PARVA: variants seen among roughly 807,000 people sequenced by gnomAD.
PARVA encodes the protein parvin alpha, also known as alpha-parvin.
In PARVA, 25 loss-of-function variants were observed where a neutral mutation model predicts 52.6. That is an observed-to-expected ratio of 0.48 (90% CI 0.35 to 0.66). PARVA has a LOEUF of 0.66. Ranked by LOEUF, PARVA falls within the 30% of genes least tolerant of loss-of-function variation. The probability of loss-of-function intolerance (pLI) is 0.01; values close to 1 mark genes in which losing one functional copy is unlikely to be tolerated. For synonymous variants in PARVA, 185 were observed against 179.1 expected, an observed-to-expected ratio of 1.03 and a Z score of -0.26; for missense variants, 373 against 450.9, an observed-to-expected ratio of 0.83 and a Z score of 1.56.
chr11:12,463,615 C>T (rs112679022), intron 1 of PARVA, among the ~76,000 whole-genome samples: 1 of 152,274 alleles, frequency 6.6e-6, no homozygotes, highest in African/African-American at 2.4e-5. Flanking sequence ...CACATTTCTC[C>T]ACTGTAAAGC....
In PARVA at chr11:12,511,465, T is replaced by G. The variant is rs369552091; in HGVS notation, c.717-49T>G. On this transcript the variant is annotated intron_variant, in intron 7 of 12. Transcript: ENST00000334956. ...GTCCTTTCAGAGGACTGGCCTCTTA[T>G]AAGGGACAAGAGAAGAGTCACACTA... is the stretch of plus-strand genomic sequence containing the variant. 7 of 1,599,272 alleles carry G rather than the reference T, an allele frequency of 4.4e-6. No individual in the cohort carries two copies. The South Asian group carries it at 7.9e-5, about 18-fold the overall frequency.
chr11:12,477,193 C>G (rs1162886681), intron 3 of PARVA: 1 of 151,974 alleles, frequency 6.6e-6, no homozygotes, highest in Non-Finnish European at 1.5e-5. Flanking sequence ...CCTCCCGGTT[C>G]AAGCAATTCT....
intron 1 of PARVA, among the ~76,000 whole-genome samples, chr11:12,429,938 A>G (rs915765201): frequency 6.6e-6 from 1 of 152,118 alleles, no homozygotes; most frequent in African/African-American, 2.4e-5. Flanking sequence ...ACAGTTTTAA[A>G]TACTGGAAGA....
chr11:12,440,774 ATAGGGCC>A (rs906280311), intron 1 of PARVA, among the ~76,000 whole-genome samples: 136 of 152,334 alleles, frequency 8.9e-4, no homozygotes, highest in African/African-American at 3.1e-3. Context: ...GCTCCTTGCC[ATAGGGCC>A]CCTCCATGTC....
chr11:12,410,500 G>T (rs1291370728), intron 1 of PARVA, among the ~76,000 whole-genome samples: 1 of 152,230 alleles, frequency 6.6e-6, no homozygotes, highest in Non-Finnish European at 1.5e-5. Flanking sequence ...CCTGTGGTTT[G>T]ATTGGTTGGG....
At chr11:12,485,058 C>T (rs1429805706) in intron 4 of PARVA, among the ~76,000 whole-genome samples, 1 of 152,142 alleles carries the variant, frequency 6.6e-6, no homozygotes, top group African/African-American at 2.4e-5. Context: ...AAATGATTCA[C>T]CCACCTTGGC....
intron 1 of PARVA, among the ~76,000 whole-genome samples, chr11:12,447,098 T>C (rs778252759): frequency 2.6e-5 from 4 of 152,186 alleles, no homozygotes; most frequent in Non-Finnish European, 5.9e-5. Context: ...TATGTGTTAC[T>C]CAAACCCTGT....
intron 7 of PARVA, among the ~76,000 whole-genome samples, chr11:12,508,949 C>T (rs1246312752): frequency 6.6e-6 from 1 of 152,154 alleles, no homozygotes; most frequent in East Asian, 1.9e-4. Flanking sequence ...ATGCCATAAA[C>T]ACTGGGTTGA....
intron 7 of PARVA, among the ~76,000 whole-genome samples, chr11:12,510,444 A>G (rs997979774): frequency 1.5e-3 from 236 of 152,366 alleles, no homozygotes; most frequent in African/African-American, 5.5e-3. Flanking sequence ...TTAAGTATTT[A>G]CCATAATTAT....
intron 1 of PARVA, among the ~76,000 whole-genome samples, chr11:12,381,867 T>A (rs1939492154): frequency 6.6e-6 from 1 of 152,112 alleles, no homozygotes; most frequent in South Asian, 2.1e-4. Context: ...CAACTTTTCT[T>A]ATAATGTCAT....
At chr11:12,401,072 A>T (rs1276424558) in intron 1 of PARVA, among the ~76,000 whole-genome samples, 3 of 152,188 alleles carry the variant, frequency 2.0e-5, no homozygotes, top group Non-Finnish European at 2.9e-5. Flanking sequence ...GCACACTTTC[A>T]AAGTGTGTGC....
rs1941750968 is a variant in PARVA at position 12,529,950 on chromosome 11, A to G, written c.*2025A>G. The G allele has an allele frequency of 6.6e-6, 1 of 152,236 alleles. No individual in the cohort carries two copies. Among genetic ancestry groups the G allele is most frequent in the Non-Finnish European group, 1.5e-5 (1 of 68,040 alleles). The allele number at this position is 152,236 out of a possible 1,614,324, so 9.4% of individuals were successfully genotyped here. On this transcript the variant is annotated 3_prime_UTR_variant, in exon 13 of 13. Transcript: ENST00000334956. ...TAAAAAAATTCCTGGTAGCAAATCA[A>G]GATAAATAATTGCTTCATTTTCTTG...
intron 4 of PARVA, among the ~76,000 whole-genome samples, chr11:12,495,217 A>G (rs1442918233): frequency 6.6e-6 from 1 of 152,224 alleles, no homozygotes; most frequent in East Asian, 1.9e-4. Flanking sequence ...ATTTCAGGCC[A>G]TCACAGGTAA....
chr11:12,513,922 G>A, intron 9 of PARVA, 75 bp from the exon 10 acceptor site: 3 of 1,361,040 alleles, frequency 2.2e-6, no homozygotes, highest in South Asian at 2.4e-5. Context: ...TGCCCTCACG[G>A]GAGTCACGGA....
chr11:12,404,819 C>T (rs1939878868), intron 1 of PARVA, among the ~76,000 whole-genome samples: 1 of 152,210 alleles, frequency 6.6e-6, no homozygotes, highest in Non-Finnish European at 1.5e-5. Flanking sequence ...ACATCCTCAT[C>T]TTTTCTGGAG....
intron 12 of PARVA, among the ~76,000 whole-genome samples, chr11:12,520,692 G>T (rs1260335038): frequency 2.0e-5 from 3 of 152,174 alleles, no homozygotes; most frequent in African/African-American, 7.2e-5. Context: ...GCTCACACCT[G>T]TAATCCCAAC....
chr11:12,455,506 A>G (rs1376017894), intron 1 of PARVA, among the ~76,000 whole-genome samples: 1 of 151,988 alleles, frequency 6.6e-6, no homozygotes, highest in Non-Finnish European at 1.5e-5. Flanking sequence ...CATTGCTGAT[A>G]TCCTTATTGA....
intron 4 of PARVA, 114 bp from the exon 5 acceptor site, chr11:12,496,344 A>AGG: frequency 2.7e-6 from 3 of 1,107,558 alleles, no homozygotes; most frequent in Non-Finnish European, 3.8e-6. Context: ...CTATTGTTGC[A>AGG]AGAGTGCATG....
intron 1 of PARVA, among the ~76,000 whole-genome samples, chr11:12,430,896 A>G (rs1414961134): frequency 6.6e-6 from 1 of 152,178 alleles, no homozygotes; most frequent in Non-Finnish European, 1.5e-5. Flanking sequence ...CACAACAACA[A>G]AGAGACACGA....
Sources: gnomAD v4.1 joint callset for allele counts (sites outside exome capture counted in the v4.1 genomes callset) on GRCh38, gnomAD v4.1.1 for gene constraint, MANE v1.5 for transcripts, NCBI Gene and HGNC (gene_info 2026-07-23, HGNC 2026-07-21) for gene names.